Variants in JPH3 observed in about 807,000 individuals in gnomAD.
JPH3 encodes the protein junctophilin-3.
A neutral mutation model predicts 59.6 loss-of-function variants in JPH3; 11 were observed. That is an observed-to-expected ratio of 0.18 (90% CI 0.12 to 0.31). The LOEUF is 0.31. Ranked by LOEUF, JPH3 falls within the 10% of genes least tolerant of loss-of-function variation. The pLI is 1.00. For synonymous variants in JPH3, 673 were observed against 483.6 expected (o/e 1.39, Z -5.14); for missense variants, 1,202 against 1,105.7 (o/e 1.09, Z -1.24).
upstream of JPH3, among the ~76,000 whole-genome samples, chr16:87,602,480 C>CGGG (rs1352716095): frequency 3.2e-3 from 373 of 117,688 alleles, 1 homozygote; most frequent in African/African-American, 0.011. Context: ...CGCGGGCGGG[C>CGGG]GGGGTGCGGG....
At chr16:87,671,048 C>G (rs564464027) in intron 2 of JPH3, among the ~76,000 whole-genome samples, 208 of 152,294 alleles carry the variant, frequency 1.4e-3, no homozygotes, top group Admixed American at 3.3e-3. Context: ...CGCCCGGGAC[C>G]CATGCCCAGC....
Position 87,644,889 on chromosome 16 carries a change from C to G in JPH3, c.1014C>G (p.Tyr338Ter). Reference sequence around the variant, plus strand: ...ACGGCACCAAGGAGGAGGGCAAGTACAAGCAGAACATCCTCGTCGGCGGCA... The same window carrying G: ...ACGGCACCAAGGAGGAGGGCAAGTAGAAGCAGAACATCCTCGTCGGCGGCA... ...FPDGTKEEGK[Y>*]KQNILVGGKR... The change falls in exon 2 of 5, where the codon TAC (tyrosine) becomes TAG (stop). Residue 338 changes from tyrosine (Y) to a stop codon, truncating the protein, a stop_gained. Coordinates refer to ENST00000284262, the MANE Select transcript of JPH3 (RefSeq NM_020655.4). LOFTEE classifies it high-confidence loss of function. 1 of 1,613,386 alleles carries G rather than the reference C, an allele frequency of 6.2e-7. No homozygotes were observed. Among genetic ancestry groups the G allele is most frequent in the Non-Finnish European group, 8.5e-7 (1 of 1,179,920 alleles).
chr16:87,667,675 A>G (rs1212123367), intron 2 of JPH3, among the ~76,000 whole-genome samples: 1 of 152,178 alleles, frequency 6.6e-6, no homozygotes, highest in Non-Finnish European at 1.5e-5. Flanking sequence ...TTGAAGATGA[A>G]GGGGTTAGAT....
At position 87,644,969 on chromosome 16, in the gene JPH3, G is replaced by A. The variant is rs375201712; in HGVS notation, c.1094G>A (p.Arg365His). Residue 365 changes from arginine (R) to histidine (H), a missense_variant, in exon 2 of 5, where the codon CGC (arginine) becomes CAC (histidine). Transcript: ENST00000284262. Reference sequence around the variant, plus strand: ...AGCAAGATCCGCGAGAAGGTGGACCGCGCCGTTGAGGCCGCTGAGCGGGCC... The same window carrying A: ...AGCAAGATCCGCGAGAAGGTGGACCACGCCGTTGAGGCCGCTGAGCGGGCC... Reference protein sequence around the residue: ...RASKIREKVDRAVEAAERAAT... With the variant: ...RASKIREKVDHAVEAAERAAT... 157 of 1,610,452 alleles carry A rather than the reference G, an allele frequency of 9.7e-5. No homozygotes were observed. Among genetic ancestry groups the A allele is most frequent in the Middle Eastern group, 1.6e-4 (1 of 6,078 alleles).
chr16:87,689,665 G>C lies in JPH3; in HGVS notation c.1305G>C (p.Pro435=). ...ATACAGGGCTGGAGTACCAGAGGCCGAAGCGTCAGACCTCCTGTGACGACA... is the reference window on the plus strand; with the variant it reads ...ATACAGGGCTGGAGTACCAGAGGCCCAAGCGTCAGACCTCCTGTGACGACA... ...HRENGLEYQR[P]KRQTSCDDIE... is the part of the protein sequence containing the mutation. The change falls in exon 4 of 5, where the codon CCG becomes CCC. Residue 435 remains proline (P), a synonymous_variant. Coordinates refer to ENST00000284262, the MANE Select transcript of JPH3 (RefSeq NM_020655.4). The C allele has an allele frequency of 6.2e-7, 1 of 1,612,072 alleles. No homozygotes were observed. The highest frequency in any genetic ancestry group is 8.5e-7 in the Non-Finnish European group (1 of 1,179,598).
intron 1 of JPH3, among the ~76,000 whole-genome samples, chr16:87,616,528 G>C (rs972936351): frequency 6.6e-6 from 1 of 151,844 alleles, no homozygotes; most frequent in African/African-American, 2.4e-5. Context: ...GGGATTACAG[G>C]TGTGAGCCAC....
chr16:87,610,798 C>T (rs1211256736), intron 1 of JPH3, among the ~76,000 whole-genome samples: 4 of 152,166 alleles, frequency 2.6e-5, no homozygotes, highest in Admixed American at 1.3e-4. Context: ...AATAATGGAG[C>T]GATACCAGCA....
Position 87,690,030 on chromosome 16 carries a change from G to GCAC in JPH3, c.1672_1674dup (p.Thr558dup), listed in dbSNP as rs1251827412. ...GGCGGCCTGCTCGTGGATGACTTCC[G>GCAC]CACCCGAGGTTCGGGCCGCAAGCAG... is the stretch of plus-strand genomic sequence containing the variant. On this transcript the variant is annotated inframe_insertion, in exon 4 of 5. Transcript: ENST00000284262. 2 of 1,542,184 alleles carry GCAC rather than the reference G, an allele frequency of 1.3e-6. No individual in the cohort carries two copies. Among genetic ancestry groups the GCAC allele is most frequent in the African/African-American group, 1.4e-5 (1 of 72,530 alleles).
At position 87,697,017 on chromosome 16, in the gene JPH3, A is replaced by T; in HGVS notation, c.*357A>T. 3.2e-6 allele frequency: 1 copy of T among 316,066 alleles called. No homozygotes were observed. Among genetic ancestry groups the T allele is most frequent in the Non-Finnish European group, 6.2e-6 (1 of 162,066 alleles). The allele number at this position is 316,066 out of a possible 1,614,324, so 19.6% of individuals were successfully genotyped here. ...CACGTCCCGTCTTGGGTGTGGATGG[A>T]GGGCAGCCCGGGGCAGAGCCTCAGC... On this transcript the variant is annotated 3_prime_UTR_variant, in exon 5 of 5. Transcript: ENST00000284262.
chr16:87,644,649 C>G lies in JPH3; in HGVS notation c.774C>G (p.Ser258Arg). 1.2e-6 allele frequency: 2 copies of G among 1,611,668 alleles called. No homozygotes were observed. Among genetic ancestry groups the G allele is most frequent in the South Asian group, 1.1e-5 (1 of 91,076 alleles). The change falls in exon 2 of 5, where the codon AGC becomes AGG. Residue 258 changes from serine (S) to arginine (R), a missense_variant. By Grantham distance (110) the Ser-to-Arg change is moderately radical (BLOSUM62 -1). Coordinates refer to ENST00000284262, the MANE Select transcript of JPH3 (RefSeq NM_020655.4). ...AGMSTVSSTA[S>R]DIHSTISLGE... is the part of the protein sequence containing the mutation. ...TGAGCACCGTCAGCTCCACGGCCAG[C>G]GACATCCACTCCACCATCAGCCTGG...
chr16:87,640,178 A>T (rs902023869), intron 1 of JPH3, among the ~76,000 whole-genome samples: 1 of 151,792 alleles, frequency 6.6e-6, no homozygotes, highest in Non-Finnish European at 1.5e-5. Flanking sequence ...AACAGAAAAA[A>T]ATTAGCTGGG....
At chr16:87,642,965 G>T (rs1242413798) in intron 1 of JPH3, among the ~76,000 whole-genome samples, 3 of 152,186 alleles carry the variant, frequency 2.0e-5, no homozygotes, top group Non-Finnish European at 2.9e-5. Context: ...TACCTTCACG[G>T]TGTTAGGTAG....
At chr16:87,614,599 C>T (rs1304672243) in intron 1 of JPH3, among the ~76,000 whole-genome samples, 1 of 151,398 alleles carries the variant, frequency 6.6e-6, no homozygotes, top group Non-Finnish European at 1.5e-5. Flanking sequence ...CTGTTCCCTC[C>T]CAGGATAAAC....
chr16:87,629,919 T>C (rs570594505), intron 1 of JPH3, among the ~76,000 whole-genome samples: 22 of 152,146 alleles, frequency 1.4e-4, no homozygotes, highest in Non-Finnish European at 3.1e-4. Flanking sequence ...GGGGATACAG[T>C]ATATGGGAAC....
At chr16:87,695,276 A>G (rs1302080986) in intron 4 of JPH3, 1 of 455,814 alleles carries the variant, frequency 2.2e-6, no homozygotes, top group Admixed American at 2.3e-5. Flanking sequence ...TGTCTTTGAA[A>G]TTTGACCAGA....
At chr16:87,677,196 A>ACACACACACACG in intron 2 of JPH3, among the ~76,000 whole-genome samples, 1 of 116,198 alleles carries the variant, frequency 8.6e-6, no homozygotes, top group African/African-American at 3.8e-5. Flanking sequence ...ACACACACAC[A>ACACACACACACG]CACACACACA....
At position 87,604,318 on chromosome 16, in the gene JPH3, CT is replaced by C. The variant is rs925707307; in HGVS notation, c.382+791del. 14 of 1,467,824 alleles carry C rather than the reference CT, an allele frequency of 9.5e-6. No individual in the cohort carries two copies. In the African/African-American group the frequency reaches 2.0e-4, roughly 21 times the overall value. The allele number at this position is 1,467,824 out of a possible 1,614,324, so 90.9% of individuals were successfully genotyped here. A position where few individuals can be genotyped will look rare whatever the true frequency, so the allele number is the denominator to read the frequency against. The stretch of plus-strand genomic sequence containing the variant: ...GCTGCTGCTGCTGCTGCTGCTGCTG[CT>C]GCTGCTGCTGTAAGATGGTTTCTGT... On this transcript the variant is annotated intron_variant, in intron 1 of 4. Coordinates refer to ENST00000284262, the MANE Select transcript of JPH3 (RefSeq NM_020655.4).
At chr16:87,604,825 T>C (rs2030453475) in intron 1 of JPH3, 2 of 390,104 alleles carry the variant, frequency 5.1e-6, no homozygotes, top group Non-Finnish European at 9.4e-6. Context: ...TATATAATGC[T>C]CCTGCCTGTC....
intron 2 of JPH3, among the ~76,000 whole-genome samples, chr16:87,675,399 T>C (rs1406407264): frequency 6.6e-6 from 1 of 152,198 alleles, no homozygotes; most frequent in Non-Finnish European, 1.5e-5. Flanking sequence ...CCAGCCTTCC[T>C]CTTGCTCCTG....
Sources: gnomAD v4.1 joint callset for allele counts (sites outside exome capture counted in the v4.1 genomes callset) on GRCh38, gnomAD v4.1.1 for gene constraint, MANE v1.5 for transcripts, NCBI Gene and HGNC (gene_info 2026-07-23, HGNC 2026-07-21) for gene names.